The following MOSMO variants were observed in gnomAD, a reference collection of about 807,000 sequenced individuals.
MOSMO encodes modulator of smoothened protein.
MOSMO carries 5 observed loss-of-function variants against 18.4 expected under a neutral mutation model. The ratio of observed to expected loss-of-function variants is 0.27; its 90% CI spans 0.14 to 0.57. The LOEUF is 0.57. Among genes scored for constraint, MOSMO ranks in the 20% least tolerant of loss-of-function variants. The pLI is 0.92. For synonymous variants in MOSMO, 82 were observed against 82.3 expected, an observed-to-expected ratio of 1.00 and a Z score of 0.02; for missense variants, 138 against 211.8, an observed-to-expected ratio of 0.65 and a Z score of 2.16.
intron 1 of MOSMO, among the ~76,000 whole-genome samples, chr16:22,052,581 AAC>A (rs1900448174): frequency 6.6e-6 from 1 of 152,232 alleles, no homozygotes; most frequent in Admixed American, 6.5e-5. Flanking sequence ...TTTATAAGAA[AAC>A]AAAACAGCAA....
downstream of MOSMO, chr16:22,085,019 AG>A (rs1289726659): frequency 7.2e-5 from 11 of 152,308 alleles, no homozygotes; most frequent in Middle Eastern, 6.8e-3. Flanking sequence ...CATAGACCCA[AG>A]TCCATCTTTG....
chr16:22,027,518 A>G (rs893398600), intron 1 of MOSMO, among the ~76,000 whole-genome samples: 1 of 152,192 alleles, frequency 6.6e-6, no homozygotes, highest in Admixed American at 6.5e-5. Flanking sequence ...GAGCACACAT[A>G]AAGCACTTAA....
At chr16:22,070,843 C>T (rs1156515264) in intron 1 of MOSMO, among the ~76,000 whole-genome samples, 3 of 152,084 alleles carry the variant, frequency 2.0e-5, no homozygotes, top group Admixed American at 6.6e-5. Context: ...ATTCAGAGGG[C>T]GAGCTGCCAG....
chr16:22,041,430 G>A (rs1900207965), intron 1 of MOSMO, among the ~76,000 whole-genome samples: 2 of 152,120 alleles, frequency 1.3e-5, no homozygotes, highest in Non-Finnish European at 2.9e-5. Flanking sequence ...CAGAGAATCC[G>A]ATTCAGCAGG....
downstream of MOSMO, among the ~76,000 whole-genome samples, chr16:22,091,739 C>T (rs189609648): frequency 9.2e-5 from 14 of 152,264 alleles, 1 homozygote; most frequent in Admixed American, 9.2e-4. Flanking sequence ...ATAAAATTCT[C>T]AGAAAGTGAA....
In MOSMO at chr16:22,032,258, C is replaced by T. The variant is rs186206932; in HGVS notation, c.106+23851C>T. ...TGGCTAGAGTGCAGTGGAGCAATCT[C>T]GGCTCACTGCAATCTCTGCCTCCCA... On this transcript the variant is annotated intron_variant, in intron 1 of 2. Transcript: ENST00000542527. 3.4e-5 allele frequency among the ~76,000 whole-genome samples: 5 copies of T among 148,984 alleles called. No individual in the cohort carries two copies. In the East Asian group the frequency reaches 5.9e-4, roughly 18 times the overall value.
intron 1 of MOSMO, among the ~76,000 whole-genome samples, chr16:22,065,749 A>G (rs1008458724): frequency 4.6e-5 from 7 of 152,062 alleles, no homozygotes; most frequent in African/African-American, 1.4e-4. Flanking sequence ...TGGTTGTACT[A>G]TTTTTTTGCT....
intron 1 of MOSMO, among the ~76,000 whole-genome samples, chr16:22,049,685 GT>G (rs1900384616): frequency 6.6e-6 from 1 of 152,048 alleles, no homozygotes; most frequent in African/African-American, 2.4e-5. Flanking sequence ...ACCTAGAAAA[GT>G]TTTCCCTATT....
intron 1 of MOSMO, among the ~76,000 whole-genome samples, chr16:22,024,588 A>G (rs1266895293): frequency 6.6e-6 from 1 of 151,996 alleles, no homozygotes; most frequent in Non-Finnish European, 1.5e-5. Flanking sequence ...GATGGTCTCG[A>G]TCTCTTGACC....
rs571899841 is a variant in MOSMO, at chr16:22,039,742, G to A, written c.106+31335G>A. ...GAAATATGCATTTATAAGTAGTGTG[G>A]TAGGATCTATGTCTCAGCTGGATAT... On this transcript the variant is annotated intron_variant, in intron 1 of 2. Coordinates refer to ENST00000542527, the MANE Select transcript of MOSMO (RefSeq NM_001164579.2). Among the ~76,000 whole-genome samples the A allele has an allele frequency of 5.9e-5, 9 of 152,256 alleles. 1 individual carries two copies. In the South Asian group the frequency reaches 1.7e-3, roughly 28 times the overall value.
At chr16:22,050,421 G>C (rs1388122233) in intron 1 of MOSMO, among the ~76,000 whole-genome samples, 2 of 152,198 alleles carry the variant, frequency 1.3e-5, no homozygotes, top group African/African-American at 2.4e-5. Flanking sequence ...ACTAGGGACA[G>C]TTTTGGCCAC....
intron 1 of MOSMO, among the ~76,000 whole-genome samples, chr16:22,072,875 A>C (rs1424843475): frequency 6.6e-6 from 1 of 151,930 alleles, no homozygotes; most frequent in Non-Finnish European, 1.5e-5. Flanking sequence ...GATTAGCATT[A>C]GCTTTTTTTC....
rs573905006 is a variant in MOSMO at position 22,016,292 on chromosome 16, A to G, written c.106+7885A>G. On this transcript the variant is annotated intron_variant, in intron 1 of 2. Coordinates refer to ENST00000542527, the MANE Select transcript of MOSMO (RefSeq NM_001164579.2). ...TAGTTGTGAGGAGATAAAATGTGGCATATAAGAGATTAGCACATTGTCCGA... is the reference window on the plus strand; with the variant it reads ...TAGTTGTGAGGAGATAAAATGTGGCGTATAAGAGATTAGCACATTGTCCGA... 2.0e-5 allele frequency among the ~76,000 whole-genome samples: 3 copies of G among 152,354 alleles called. No homozygotes were observed. The South Asian group carries it at 6.2e-4, about 32-fold the overall frequency.
At chr16:22,055,050 T>C (rs1434687117) in intron 1 of MOSMO, among the ~76,000 whole-genome samples, 1 of 152,088 alleles carries the variant, frequency 6.6e-6, no homozygotes, top group Non-Finnish European at 1.5e-5. Flanking sequence ...AGTCAGGAAT[T>C]CTCTTAATAG....
chr16:22,045,013 A>C (rs1900279266), intron 1 of MOSMO, among the ~76,000 whole-genome samples: 1 of 151,328 alleles, frequency 6.6e-6, no homozygotes, highest in South Asian at 2.1e-4. Flanking sequence ...CCATCTCTAC[A>C]AAAAATACAA....
At chr16:22,019,495 T>C (rs1899709857) in intron 1 of MOSMO, among the ~76,000 whole-genome samples, 1 of 152,222 alleles carries the variant, frequency 6.6e-6, no homozygotes, top group Non-Finnish European at 1.5e-5. Context: ...ATCTGTGTCA[T>C]GGTTATTTGT....
rs1899440974 is a variant in MOSMO, at chr16:22,008,528, C to T, written c.106+121C>T. 4 of 615,242 alleles carry T rather than the reference C, an allele frequency of 6.5e-6. No homozygotes were observed. In the Admixed American group the frequency reaches 9.1e-5, roughly 14 times the overall value. The allele number at this position is 615,242 out of a possible 1,614,324, so 38.1% of individuals were successfully genotyped here. On this transcript the variant is annotated intron_variant, in intron 1 of 2. Coordinates refer to ENST00000542527, the MANE Select transcript of MOSMO (RefSeq NM_001164579.2). ...CCGGCCGGAGGCTAGCCTGAGGAGA[C>T]CGGGGGCGGAGGGGAGACCCGGGCC...
chr16:22,054,390 C>A (rs1900492790), intron 1 of MOSMO, among the ~76,000 whole-genome samples: 1 of 152,152 alleles, frequency 6.6e-6, no homozygotes, highest in East Asian at 1.9e-4. Flanking sequence ...GCCACCACAC[C>A]CAGCCAGGAA....
At chr16:22,091,003 G>A (rs1901303278), downstream of MOSMO, among the ~76,000 whole-genome samples, 1 of 152,038 alleles carries the variant, frequency 6.6e-6, no homozygotes, top group Admixed American at 6.5e-5. Flanking sequence ...AGGTGTGAGG[G>A]TGGTAGACGA....
Sources: gnomAD v4.1 joint callset for allele counts (sites outside exome capture counted in the v4.1 genomes callset) on GRCh38, gnomAD v4.1.1 for gene constraint, MANE v1.5 for transcripts, NCBI Gene and HGNC (gene_info 2026-07-23, HGNC 2026-07-21) for gene names.